NAV2: variants seen among roughly 807,000 people sequenced by gnomAD.
NAV2 encodes the protein neuron navigator 2.
In NAV2, 54 loss-of-function variants were observed where a neutral mutation model predicts 223.2. The ratio of observed to expected loss-of-function variants is 0.24; its 90% CI spans 0.19 to 0.30. The LOEUF is 0.30. NAV2 is among the 10% of genes least tolerant of loss of function. NAV2 has a pLI of 1.00. For missense variants in NAV2, 2,806 were observed against 3,147.5 expected, an observed-to-expected ratio of 0.89 and a Z score of 2.60; for synonymous variants, 1,279 against 1,239.3, an observed-to-expected ratio of 1.03 and a Z score of -0.67.
At chr11:19,514,535 G>A (rs1227917869) in intron 1 of NAV2, among the ~76,000 whole-genome samples, 1 of 152,186 alleles carries the variant, frequency 6.6e-6, no homozygotes, top group Non-Finnish European at 1.5e-5. Context: ...CCGCATCTCA[G>A]AGAGACCAAC....
chr11:19,351,682 C>CA (rs1172973885), intron 1 of NAV2, among the ~76,000 whole-genome samples: 1 of 152,012 alleles, frequency 6.6e-6, no homozygotes, highest in African/African-American at 2.4e-5. Context: ...TACATCTTCT[C>CA]ACTCTTGGGG....
intron 1 of NAV2, among the ~76,000 whole-genome samples, chr11:19,752,196 G>A (rs904597090): frequency 3.3e-5 from 5 of 152,180 alleles, no homozygotes; most frequent in African/African-American, 1.2e-4. Flanking sequence ...AGAGAATGGT[G>A]GAGGCTGAGT....
rs767949778 is a variant in NAV2, at chr11:20,056,574, CA to C, written c.4831+618del. The C allele has an allele frequency of 1.9e-6, 3 of 1,614,026 alleles. No homozygotes were observed. The South Asian group carries it at 3.3e-5, about 18-fold the overall frequency. On this transcript the variant is annotated intron_variant, in intron 19 of 37. Transcript: ENST00000349880. ...TGTGGACAACTTTGTCAGCCGTCTTCACAGCTCACTTCATTTCTCTCTTCCT... is the reference window on the plus strand; with the variant it reads ...TGTGGACAACTTTGTCAGCCGTCTTCCAGCTCACTTCATTTCTCTCTTCCT...
At chr11:19,855,112 GATA>G (rs1207814098) in intron 3 of NAV2, among the ~76,000 whole-genome samples, 1 of 152,082 alleles carries the variant, frequency 6.6e-6, no homozygotes, top group African/African-American at 2.4e-5. Flanking sequence ...TCTGAAAAAT[GATA>G]ATAATATCTA....
At chr11:20,010,460 C>A (rs1289917167) in intron 11 of NAV2, among the ~76,000 whole-genome samples, 1 of 152,200 alleles carries the variant, frequency 6.6e-6, no homozygotes, top group Admixed American at 6.5e-5. Flanking sequence ...GTTTGACATA[C>A]TGTGCCATCC....
chr11:19,924,193 C>G (rs553866061), intron 6 of NAV2, among the ~76,000 whole-genome samples: 1 of 151,690 alleles, frequency 6.6e-6, no homozygotes, highest in East Asian at 1.9e-4. Flanking sequence ...CTTTGTTTAG[C>G]TTTACCAATT....
intron 2 of NAV2, among the ~76,000 whole-genome samples, chr11:19,835,672 A>C (rs1376435749): frequency 6.6e-6 from 1 of 152,128 alleles, no homozygotes; most frequent in African/African-American, 2.4e-5. Flanking sequence ...ACACATATTT[A>C]ATATACACAT....
chr11:19,665,856 T>A (rs1286413336), intron 1 of NAV2, among the ~76,000 whole-genome samples: 3 of 152,198 alleles, frequency 2.0e-5, no homozygotes, highest in African/African-American at 7.2e-5. Context: ...ATTACAACCA[T>A]AATTGAAAGT....
chr11:20,109,997 G>A (rs1365971176), intron 36 of NAV2, among the ~76,000 whole-genome samples: 1 of 152,226 alleles, frequency 6.6e-6, no homozygotes, highest in Non-Finnish European at 1.5e-5. Flanking sequence ...GGGCATGGCT[G>A]GAAAGGAACT....
At chr11:19,910,904 T>C (rs1460132809) in intron 6 of NAV2, among the ~76,000 whole-genome samples, 2 of 151,986 alleles carry the variant, frequency 1.3e-5, no homozygotes. Context: ...CATGTAAAAA[T>C]ATCATGATAA....
chr11:20,095,880 T>A (rs1026419790), intron 30 of NAV2, 113 bp downstream of exon 30: 1 of 762,582 alleles, frequency 1.3e-6, no homozygotes, highest in Admixed American at 1.9e-5. Context: ...ACCTGTCCCC[T>A]TCCCTACATG....
chr11:19,698,586 C>T (rs1034853807), intron 1 of NAV2, among the ~76,000 whole-genome samples: 1 of 152,238 alleles, frequency 6.6e-6, no homozygotes, highest in Admixed American at 6.5e-5. Flanking sequence ...TCAGCTCCAG[C>T]TTGGCCACGG....
At chr11:19,911,151 C>T (rs576693075) in intron 6 of NAV2, among the ~76,000 whole-genome samples, 1 of 151,878 alleles carries the variant, frequency 6.6e-6, no homozygotes, top group African/African-American at 2.4e-5. Flanking sequence ...CCTGAAATCC[C>T]AGCATGTGCC....
At chr11:19,990,784 C>T (rs2051252636) in intron 11 of NAV2, among the ~76,000 whole-genome samples, 3 of 152,176 alleles carry the variant, frequency 2.0e-5, no homozygotes, top group Admixed American at 2.0e-4. Flanking sequence ...GTTTCTTAAT[C>T]ACACTAGCCT....
At chr11:19,900,138 T>C (rs1205133597) in intron 6 of NAV2, among the ~76,000 whole-genome samples, 1 of 152,184 alleles carries the variant, frequency 6.6e-6, no homozygotes, top group Non-Finnish European at 1.5e-5. Context: ...CAAGGTGGCA[T>C]CATTGAATTT....
At chr11:20,074,479 G>T (rs949125263) in intron 22 of NAV2, among the ~76,000 whole-genome samples, 3 of 152,136 alleles carry the variant, frequency 2.0e-5, no homozygotes, top group Non-Finnish European at 4.4e-5. Context: ...CTCAAGTCCT[G>T]GATATCCTTG....
chr11:20,084,812 CTTCT>C (rs1378139441), intron 26 of NAV2, among the ~76,000 whole-genome samples: 1 of 152,134 alleles, frequency 6.6e-6, no homozygotes, highest in African/African-American at 2.4e-5. Flanking sequence ...CTCATCATGT[CTTCT>C]TTATTTATTG....
intron 1 of NAV2, among the ~76,000 whole-genome samples, chr11:19,771,065 G>A (rs1279245489): frequency 6.6e-6 from 1 of 152,120 alleles, no homozygotes; most frequent in Non-Finnish European, 1.5e-5. Context: ...GGAGTAGGAT[G>A]GGATGATCTT....
At chr11:19,736,884 A>T (rs1192291941) in intron 1 of NAV2, among the ~76,000 whole-genome samples, 1 of 152,220 alleles carries the variant, frequency 6.6e-6, no homozygotes, top group East Asian at 1.9e-4. Flanking sequence ...GTTATGCAGG[A>T]CACCTGGCAA....
Sources: gnomAD v4.1 joint callset for allele counts (sites outside exome capture counted in the v4.1 genomes callset) on GRCh38, gnomAD v4.1.1 for gene constraint, MANE v1.5 for transcripts, NCBI Gene and HGNC (gene_info 2026-07-23, HGNC 2026-07-21) for gene names.